The following HDAC9 variants were observed in gnomAD, a reference collection of about 807,000 sequenced individuals.
HDAC9 encodes MEF-2 interacting transcription repressor (MITR) protein.
Under a neutral mutation model 139.4 loss-of-function variants are expected in HDAC9, and 41 were observed. The ratio of observed to expected loss-of-function variants is 0.29; its 90% CI spans 0.23 to 0.38. The LOEUF (loss-of-function observed/expected upper bound fraction) is 0.38, where lower values mean the gene tolerates loss of function less well. Among genes scored for constraint, HDAC9 ranks in the 10% least tolerant of loss-of-function variants. The pLI, the probability that HDAC9 is intolerant of heterozygous loss-of-function variation, is 1.00. For missense variants in HDAC9, 1,147 were observed against 1,297.0 expected (o/e 0.88, Z 1.78); for synonymous variants, 517 against 476.2 (o/e 1.09, Z -1.12).
At chr7:18,470,665 T>C (rs1232082575) in intron 1 of HDAC9, among the ~76,000 whole-genome samples, 1 of 152,158 alleles carries the variant, frequency 6.6e-6, no homozygotes, top group Non-Finnish European at 1.5e-5. Flanking sequence ...AAAAAAACCA[T>C]AGATAATATG....
intron 21 of HDAC9, among the ~76,000 whole-genome samples, chr7:18,836,613 T>C (rs1335128389): frequency 1.3e-5 from 2 of 152,146 alleles, no homozygotes; most frequent in South Asian, 2.1e-4. Flanking sequence ...CATTCTGCTT[T>C]TGTCTAAGCA....
At chr7:18,162,500 G>A (rs947468711) in intron 2 of HDAC9, 7 of 667,344 alleles carry the variant, frequency 1.0e-5, no homozygotes, top group African/African-American at 7.3e-5. Flanking sequence ...TTTTGCATTC[G>A]ATAGCTAATT....
At chr7:18,475,847 G>T (rs1455035778) in intron 1 of HDAC9, among the ~76,000 whole-genome samples, 1 of 152,158 alleles carries the variant, frequency 6.6e-6, no homozygotes, top group Non-Finnish European at 1.5e-5. Flanking sequence ...TAATAATCCA[G>T]AACATCTCAA....
chr7:18,780,347 C>T (rs1359919978), intron 16 of HDAC9, among the ~76,000 whole-genome samples: 2 of 152,032 alleles, frequency 1.3e-5, no homozygotes, highest in Non-Finnish European at 2.9e-5. Context: ...GATCAGATAG[C>T]AGGCTCCCAT....
At chr7:18,478,035 G>T (rs1269100936) in intron 1 of HDAC9, among the ~76,000 whole-genome samples, 1 of 151,678 alleles carries the variant, frequency 6.6e-6, no homozygotes, top group African/African-American at 2.4e-5. Flanking sequence ...ATTCCTTAAA[G>T]CACCAATCAC....
chr7:18,455,487 T>C lies in HDAC9; in HGVS notation c.-41-40775T>C, dbSNP rs573478879. Among the ~76,000 whole-genome samples, 36 of 152,348 alleles carry C rather than the reference T, an allele frequency of 2.4e-4. No homozygotes were observed. In the South Asian group the frequency reaches 6.8e-3, roughly 29 times the overall value. On this transcript the variant is annotated intron_variant, in intron 1 of 3. Transcript: ENST00000413509. ...TTTGTTACTGGTATTTATCTTTTTT[T>C]CCAAACTGAGAAGGAACAATTCTTA...
At chr7:18,411,812 A>C (rs1265044976) in intron 1 of HDAC9, among the ~76,000 whole-genome samples, 1 of 134,542 alleles carries the variant, frequency 7.4e-6, no homozygotes, top group Non-Finnish European at 1.6e-5. Flanking sequence ...TGTAATTTCA[A>C]CTTGCTTTTT....
intron 2 of HDAC9, among the ~76,000 whole-genome samples, chr7:18,226,673 G>C (rs542877056): frequency 6.6e-6 from 1 of 152,200 alleles, no homozygotes; most frequent in African/African-American, 2.4e-5. Context: ...TTCAGCTGAA[G>C]GAATAGGGAG....
chr7:18,286,808 TGCTC>T, upstream of HDAC9, among the ~76,000 whole-genome samples: 1 of 152,186 alleles, frequency 6.6e-6, no homozygotes, highest in Non-Finnish European at 1.5e-5. Context: ...TTATTATTAT[TGCTC>T]ATAGGAAAGT....
At chr7:18,838,964 T>C (rs1207574929) in intron 21 of HDAC9, among the ~76,000 whole-genome samples, 2 of 151,982 alleles carry the variant, frequency 1.3e-5, no homozygotes, top group African/African-American at 2.4e-5. Context: ...AAACCAAAGA[T>C]TTCACATTTA....
At chr7:18,756,363 G>C (rs562530501) in intron 14 of HDAC9, among the ~76,000 whole-genome samples, 1 of 152,274 alleles carries the variant, frequency 6.6e-6, no homozygotes, top group African/African-American at 2.4e-5. Context: ...TTATTATTTT[G>C]AAGTTGTCAC....
At chr7:18,544,870 G>A (rs930178887) in intron 2 of HDAC9, among the ~76,000 whole-genome samples, 1 of 152,176 alleles carries the variant, frequency 6.6e-6, no homozygotes, top group African/African-American at 2.4e-5. Context: ...TTACTTATCT[G>A]TTTCTTCCAG....
chr7:18,378,364 T>C (rs1004030176), intron 1 of HDAC9, among the ~76,000 whole-genome samples: 8 of 152,060 alleles, frequency 5.3e-5, no homozygotes, highest in African/African-American at 1.9e-4. Flanking sequence ...TTAAAAAGTT[T>C]ATTTTTAATA....
At chr7:18,721,697 A>G (rs367704407) in intron 12 of HDAC9, among the ~76,000 whole-genome samples, 3 of 152,222 alleles carry the variant, frequency 2.0e-5, no homozygotes, top group South Asian at 4.1e-4. Context: ...GAAGCTATAC[A>G]TTTGGTCCCT....
chr7:18,109,277 A>G (rs1035728848), intron 1 of HDAC9, among the ~76,000 whole-genome samples: 3 of 152,210 alleles, frequency 2.0e-5, no homozygotes, highest in Admixed American at 6.5e-5. Flanking sequence ...AATTGAGGAT[A>G]TTAGTACTAC....
At chr7:18,139,044 A>G (rs868047735) in intron 1 of HDAC9, among the ~76,000 whole-genome samples, 2 of 151,928 alleles carry the variant, frequency 1.3e-5, no homozygotes, top group African/African-American at 4.8e-5. Context: ...GATTCATTCT[A>G]GACAGTGGAA....
intron 1 of HDAC9, among the ~76,000 whole-genome samples, chr7:18,143,248 G>T (rs1448714313): frequency 2.0e-5 from 3 of 152,102 alleles, no homozygotes; most frequent in Non-Finnish European, 4.4e-5. Flanking sequence ...TTCAGAACCT[G>T]GAAGAACATT....
intron 22 of HDAC9, among the ~76,000 whole-genome samples, chr7:18,915,409 C>A (rs989760489): frequency 1.2e-4 from 18 of 151,470 alleles, no homozygotes; most frequent in Non-Finnish European, 2.2e-4. Context: ...AAAACCGCAA[C>A]AAACTATTTT....
Position 18,982,718 on chromosome 7 carries a change from A to G in HDAC9, c.3170+6765A>G, listed in dbSNP as rs185804907. ...TTGCCTGCTCTTGAATTTCATTTAA[A>G]TGGAATCATGCGTGTGTACTGTATT... On this transcript the variant is annotated intron_variant, in intron 25 of 25. Coordinates refer to ENST00000686413, the MANE Select transcript of HDAC9 (RefSeq NM_178425.4). Among the ~76,000 whole-genome samples, 303 of 152,250 alleles carry G rather than the reference A, an allele frequency of 2.0e-3. 2 individuals carry two copies. Among genetic ancestry groups the G allele is most frequent in the Admixed American group, 4.3e-3 (66 of 15,286 alleles).
Sources: gnomAD v4.1 joint callset for allele counts (sites outside exome capture counted in the v4.1 genomes callset) on GRCh38, gnomAD v4.1.1 for gene constraint, MANE v1.5 for transcripts, NCBI Gene and HGNC (gene_info 2026-07-23, HGNC 2026-07-21) for gene names.